TBC1D4: variants seen among roughly 807,000 people sequenced by gnomAD.
TBC1D4 encodes the protein TBC (Tre-2, BUB2, CDC16) domain-containing protein.
A neutral mutation model predicts 142.5 loss-of-function variants in TBC1D4; 121 were observed. The ratio of observed to expected loss-of-function variants is 0.85; its 90% CI spans 0.73 to 0.99. The LOEUF is 0.99. Ranked by LOEUF, TBC1D4 falls within the 50% of genes least tolerant of loss-of-function variation. The pLI, the probability that TBC1D4 is intolerant of heterozygous loss-of-function variation, is 0.00. For missense variants in TBC1D4, 1,475 were observed against 1,606.6 expected, an observed-to-expected ratio of 0.92 and a Z score of 1.40; for synonymous variants, 630 against 628.2, an observed-to-expected ratio of 1.00 and a Z score of -0.04.
chr13:75,296,159 C>T (rs180949569), intron 17 of TBC1D4, among the ~76,000 whole-genome samples: 213 of 151,458 alleles, frequency 1.4e-3, no homozygotes, highest in Non-Finnish European at 2.7e-3. Context: ...GTTAAAGAGC[C>T]ACAGGAAGTC....
intron 1 of TBC1D4, among the ~76,000 whole-genome samples, chr13:75,445,641 C>G (rs1041581612): frequency 2.0e-5 from 3 of 152,036 alleles, no homozygotes; most frequent in Admixed American, 2.0e-4. Context: ...TTATCTGTTA[C>G]TGGTATAAAA....
chr13:75,358,675 C>T (rs1037794657), intron 3 of TBC1D4, among the ~76,000 whole-genome samples: 2 of 151,786 alleles, frequency 1.3e-5, no homozygotes, highest in East Asian at 1.9e-4. Flanking sequence ...AATGAGACCT[C>T]GTCTCTACAA....
intron 12 of TBC1D4, 74 bp downstream of exon 12, chr13:75,319,940 T>C: frequency 6.5e-7 from 1 of 1,546,986 alleles, no homozygotes; most frequent in African/African-American, 1.4e-5. Flanking sequence ...AACTGCTTTT[T>C]AAACTAAGGA....
At chr13:75,391,195 TACACACACAC>T (rs111629817) in intron 1 of TBC1D4, among the ~76,000 whole-genome samples, 5 of 141,930 alleles carry the variant, frequency 3.5e-5, no homozygotes, top group African/African-American at 1.0e-4. Flanking sequence ...CCCATCAGTT[TACACACACAC>T]ACACACACAC....
At chr13:75,393,858 C>T (rs551522587) in intron 1 of TBC1D4, among the ~76,000 whole-genome samples, 39 of 149,292 alleles carry the variant, frequency 2.6e-4, no homozygotes, top group Admixed American at 2.2e-3. Flanking sequence ...ACCAGGGAGA[C>T]GAAGGTTGCA....
chr13:75,457,268 T>C (rs1268467468), intron 1 of TBC1D4, among the ~76,000 whole-genome samples: 3 of 152,218 alleles, frequency 2.0e-5, no homozygotes, highest in African/African-American at 4.8e-5. Flanking sequence ...TATGTATTAA[T>C]TAATACTGAC....
intron 1 of TBC1D4, among the ~76,000 whole-genome samples, chr13:75,471,485 C>T (rs11617241): frequency 2.0e-5 from 3 of 152,220 alleles, no homozygotes; most frequent in Non-Finnish European, 4.4e-5. Context: ...AGCCTATAAT[C>T]CCAGCACTTT....
chr13:75,372,238 T>C (rs1475582362), intron 1 of TBC1D4, among the ~76,000 whole-genome samples: 6 of 151,510 alleles, frequency 4.0e-5, no homozygotes, highest in Non-Finnish European at 7.4e-5. Context: ...CCAGATGCTC[T>C]TTATTTATAA....
chr13:75,345,284 G>C (rs1881055744), intron 5 of TBC1D4, among the ~76,000 whole-genome samples: 1 of 152,346 alleles, frequency 6.6e-6, no homozygotes. Flanking sequence ...CTCGCACATG[G>C]AGAGGCCTAC....
intron 1 of TBC1D4, among the ~76,000 whole-genome samples, chr13:75,395,752 C>T (rs759409345): frequency 1.3e-5 from 2 of 152,116 alleles, no homozygotes; most frequent in Non-Finnish European, 2.9e-5. Flanking sequence ...ATCACTTGAA[C>T]CCGGGAGGCG....
chr13:75,313,958 A>T (rs539977227), intron 12 of TBC1D4, among the ~76,000 whole-genome samples: 2 of 152,344 alleles, frequency 1.3e-5, no homozygotes, highest in South Asian at 4.1e-4. Context: ...AATTGATTCT[A>T]GAATCACCTC....
intron 1 of TBC1D4, among the ~76,000 whole-genome samples, chr13:75,423,141 C>A (rs1219804879): frequency 6.6e-6 from 1 of 151,992 alleles, no homozygotes; most frequent in Non-Finnish European, 1.5e-5. Context: ...AACATTAGCC[C>A]AAAGTTATCA....
chr13:75,336,977 G>A lies in TBC1D4; in HGVS notation c.1675C>T (p.Leu559=). Residue 559 remains leucine, a synonymous_variant, in exon 8 of 21, where the codon CTG becomes TTG. Transcript: ENST00000377636. ...AAGGATCTCTTAGCTTTATTTTTCA[G>A]AATGTCAAGTTTGAACCTTCCACTG... ...TSSGRFKLDI[L]KNKAKRSLTS... is the part of the protein sequence containing the mutation. 1 of 1,613,444 alleles carries A rather than the reference G, an allele frequency of 6.2e-7. No homozygotes were observed. Among genetic ancestry groups the A allele is most frequent in the Non-Finnish European group, 8.5e-7 (1 of 1,179,682 alleles).
At position 75,362,628 on chromosome 13, in the gene TBC1D4, C is replaced by A; in HGVS notation, c.499-21G>T. 3 of 1,612,842 alleles carry A rather than the reference C, an allele frequency of 1.9e-6. No individual in the cohort carries two copies. Among genetic ancestry groups the A allele is most frequent in the South Asian group, 1.1e-5 (1 of 91,020 alleles). ...GGAACCTGGGGGAAAAAATTAAAACCCTGATTCTAGTTGAAAGTTTTGAGA... is the reference window on the plus strand; with the variant it reads ...GGAACCTGGGGGAAAAAATTAAAACACTGATTCTAGTTGAAAGTTTTGAGA... On this transcript the variant is annotated intron_variant, in intron 1 of 20. Transcript: ENST00000377636. The surrounding 1 kb of genome is among the most constrained non-coding windows in gnomAD (Gnocchi z 4.2).
rs186063314 is a variant in TBC1D4, at chr13:75,335,654, T to C, written c.1731+1267A>G. 2.1e-3 allele frequency among the ~76,000 whole-genome samples: 323 copies of C among 152,254 alleles called. 3 individuals carry two copies. Among genetic ancestry groups the C allele is most frequent in the African/African-American group, 7.5e-3 (313 of 41,552 alleles). Reference sequence around the variant, plus strand: ...CCACTTGGTGCTGTTCTCATGATACTGAGTTCTCATGAGATCTGGTTGTTT... The same window carrying C: ...CCACTTGGTGCTGTTCTCATGATACCGAGTTCTCATGAGATCTGGTTGTTT... On this transcript the variant is annotated intron_variant, in intron 8 of 20. Coordinates refer to ENST00000377636, the MANE Select transcript of TBC1D4 (RefSeq NM_014832.5).
intron 1 of TBC1D4, among the ~76,000 whole-genome samples, chr13:75,474,170 G>T (rs1370291525): frequency 6.6e-6 from 1 of 152,170 alleles, no homozygotes; most frequent in African/African-American, 2.4e-5. Flanking sequence ...TTTACCTGTG[G>T]AGATTTTTAA....
intron 1 of TBC1D4, among the ~76,000 whole-genome samples, chr13:75,455,834 C>T (rs1887711017): frequency 1.3e-5 from 2 of 152,110 alleles, no homozygotes; most frequent in Non-Finnish European, 2.9e-5. Context: ...CCCCAAAAGC[C>T]TAGCAAAAGG....
At chr13:75,433,560 C>T (rs1262627384) in intron 1 of TBC1D4, among the ~76,000 whole-genome samples, 1 of 152,148 alleles carries the variant, frequency 6.6e-6, no homozygotes, top group Admixed American at 6.5e-5. Context: ...TGCTCTTTAA[C>T]CCATTATATA....
At position 75,356,235 on chromosome 13, in the gene TBC1D4, T is replaced by A. The variant is rs973271607; in HGVS notation, c.1187A>T (p.Asp396Val). The A allele has an allele frequency of 1.2e-6, 2 of 1,612,842 alleles. No homozygotes were observed. The highest frequency in any genetic ancestry group is 2.2e-5 in the East Asian group (1 of 44,886). Residue 396 changes from aspartate (D) to valine (V), a missense_variant, in exon 4 of 21, where the codon GAT (aspartate) becomes GTT (valine). Coordinates refer to ENST00000377636, the MANE Select transcript of TBC1D4 (RefSeq NM_014832.5). ...CTCCCGGCAGATAAAGCCAAAGTGATCCACATGCTTTATACCCTAGATGGA... is the reference window on the plus strand; with the variant it reads ...CTCCCGGCAGATAAAGCCAAAGTGAACCACATGCTTTATACCCTAGATGGA... ...SSCSQGIKHV[D>V]HFGFICRESP...
Sources: gnomAD v4.1 joint callset for allele counts (sites outside exome capture counted in the v4.1 genomes callset) on GRCh38, gnomAD v4.1.1 for gene constraint, Gnocchi (gnomAD v3.1) non-coding constraint, MANE v1.5 for transcripts, NCBI Gene and HGNC (gene_info 2026-07-23, HGNC 2026-07-21) for gene names.